NHS: variants seen among roughly 807,000 people sequenced by gnomAD.
NHS encodes the protein actin remodeling regulator NHS.
A neutral mutation model predicts 72.5 loss-of-function variants in NHS; 5 were observed. The observed-to-expected ratio is 0.07, with a 90% CI of 0.04 to 0.14. The LOEUF is 0.14. Among genes scored for constraint, NHS ranks in the 10% least tolerant of loss-of-function variants. The pLI is 1.00. For synonymous variants in NHS, 464 were observed against 547.7 expected (o/e 0.85, Z 2.13); for missense variants, 1,072 against 1,355.7 (o/e 0.79, Z 3.29).
intron 1 of NHS, among the ~76,000 whole-genome samples, chrX:17,545,958 GA>G (rs2065290920): frequency 8.9e-6 from 1 of 112,473 alleles, no homozygotes; most frequent in Non-Finnish European, 1.9e-5. Flanking sequence ...GGAAGAGGCA[GA>G]AAGTGTAGCA....
chrX:17,530,285 C>CCCTG (rs1463008502), intron 1 of NHS, among the ~76,000 whole-genome samples: 1 of 111,479 alleles, frequency 9.0e-6, no homozygotes, highest in African/African-American at 3.3e-5. Flanking sequence ...GGTTTTTCAG[C>CCCTG]CCTGCCGAGA....
At chrX:17,513,877 T>C (rs2065103877) in intron 1 of NHS, among the ~76,000 whole-genome samples, 1 of 112,271 alleles carries the variant, frequency 8.9e-6, no homozygotes, top group Admixed American at 9.5e-5. Context: ...TGTTTTCTGC[T>C]GCTGATAAAG....
intron 1 of NHS, among the ~76,000 whole-genome samples, chrX:17,529,554 C>T (rs934959404): frequency 4.5e-5 from 5 of 111,323 alleles, no homozygotes; most frequent in East Asian, 2.8e-4. Flanking sequence ...AGAAAGCTGA[C>T]GCGTTGTTTT....
chrX:17,509,590 G>T (rs894190203), intron 1 of NHS, among the ~76,000 whole-genome samples: 1 of 111,851 alleles, frequency 8.9e-6, no homozygotes, highest in Non-Finnish European at 1.9e-5. Context: ...TTTACCTAGG[G>T]TTTTCATTTG....
At chrX:17,428,829 T>TCC (rs1271055882) in intron 1 of NHS, among the ~76,000 whole-genome samples, 2 of 111,490 alleles carry the variant, frequency 1.8e-5, no homozygotes, top group Non-Finnish European at 3.8e-5. Flanking sequence ...CACATGTCTC[T>TCC]CTCTCTCTCT....
intron 3 of NHS, among the ~76,000 whole-genome samples, chrX:17,704,521 A>G (rs1416428741): frequency 9.1e-6 from 1 of 110,077 alleles, no homozygotes; most frequent in Non-Finnish European, 1.9e-5. Context: ...GCTGGTCTCA[A>G]TCTCCTGACC....
At chrX:17,473,929 T>A (rs1417191472) in intron 1 of NHS, among the ~76,000 whole-genome samples, 1 of 111,688 alleles carries the variant, frequency 9.0e-6, no homozygotes, top group Non-Finnish European at 1.9e-5. Flanking sequence ...TATTTATTTT[T>A]AACTTTTATT....
intron 1 of NHS, among the ~76,000 whole-genome samples, chrX:17,545,009 C>G: frequency 8.9e-6 from 1 of 112,556 alleles, no homozygotes; most frequent in Non-Finnish European, 1.9e-5. Context: ...CTGGCTGACT[C>G]CATTTTCAGG....
At chrX:17,498,793 G>A (rs1035322194) in intron 1 of NHS, among the ~76,000 whole-genome samples, 9 of 111,312 alleles carry the variant, frequency 8.1e-5, no homozygotes, top group African/African-American at 1.3e-4. Flanking sequence ...TAGCTGTGTC[G>A]AAATAAATAA....
At chrX:17,389,834 T>G (rs919617623) in intron 1 of NHS, among the ~76,000 whole-genome samples, 22 of 110,325 alleles carry the variant, frequency 2.0e-4, no homozygotes, top group African/African-American at 6.6e-4. Flanking sequence ...ACTCCTGACC[T>G]CAAGTGATCT....
chrX:17,568,411 A>G (rs2065456480), intron 1 of NHS, among the ~76,000 whole-genome samples: 2 of 112,281 alleles, frequency 1.8e-5, no homozygotes, highest in South Asian at 7.3e-4. Context: ...AGCATATGGC[A>G]CATAGTAAAT....
chrX:17,725,388 G>A lies in NHS; in HGVS notation c.1282G>A (p.Val428Met). Reference protein sequence around the residue: ...SPVARERNVIVHTNPDPSNTV... With the variant: ...SPVARERNVIMHTNPDPSNTV... ...AGTGGCCAGGGAAAGGAATGTGATTGTGCACACAAACCCAGACCCCTCCAA... is the reference window on the plus strand; with the variant it reads ...AGTGGCCAGGGAAAGGAATGTGATTATGCACACAAACCCAGACCCCTCCAA... The change falls in exon 7 of 9, where the codon GTG becomes ATG. Residue 428 changes from valine (V) to methionine (M), a missense_variant. Coordinates refer to ENST00000676302, the MANE Select transcript of NHS (RefSeq NM_001291867.2). 2.5e-6 allele frequency: 3 copies of A among 1,207,318 alleles called. No homozygotes were observed. The highest frequency in any genetic ancestry group is 3.4e-6 in the Non-Finnish European group (3 of 891,947).
intron 1 of NHS, among the ~76,000 whole-genome samples, chrX:17,536,341 C>T (rs192448563): frequency 4.7e-4 from 53 of 112,150 alleles, no homozygotes; most frequent in African/African-American, 1.6e-3. Context: ...GGCAACAGAG[C>T]GAGACTCCGT....
At chrX:17,537,354 C>T (rs190603992) in intron 1 of NHS, among the ~76,000 whole-genome samples, 1 of 112,506 alleles carries the variant, frequency 8.9e-6, no homozygotes, top group Admixed American at 9.4e-5. Flanking sequence ...AGCAAATCTA[C>T]ACCTAGAAGA....
At chrX:17,520,684 C>T (rs762634302) in intron 1 of NHS, among the ~76,000 whole-genome samples, 1 of 111,768 alleles carries the variant, frequency 8.9e-6, no homozygotes, top group Non-Finnish European at 1.9e-5. Flanking sequence ...CATTTCCATC[C>T]ATTCTAAATA....
Position 17,721,574 on chromosome X carries a change from A to G in NHS, c.1049A>G (p.Glu350Gly). Reference protein sequence around the residue: ...SKALPLPTPEEKMKQDAQVIS... With the variant: ...SKALPLPTPEGKMKQDAQVIS... Reference sequence around the variant, plus strand: ...GCACTACCTCTCCCGACGCCAGAGGAGAAGATGAAACAAGATGCCCAAGTG... The same window carrying G: ...GCACTACCTCTCCCGACGCCAGAGGGGAAGATGAAACAAGATGCCCAAGTG... Residue 350 changes from glutamate to glycine, a missense_variant, in exon 5 of 9, where the codon GAG (glutamate) becomes GGG (glycine). Coordinates refer to ENST00000676302, the MANE Select transcript of NHS (RefSeq NM_001291867.2). The G allele has an allele frequency of 8.3e-7, 1 of 1,211,548 alleles. No individual in the cohort carries two copies. The highest frequency in any genetic ancestry group is 1.7e-5 in the African/African-American group (1 of 57,804).
At chrX:17,556,478 C>T (rs1339861899) in intron 1 of NHS, among the ~76,000 whole-genome samples, 2 of 112,965 alleles carry the variant, frequency 1.8e-5, no homozygotes, top group Non-Finnish European at 3.7e-5. Flanking sequence ...ATTAAAGAAA[C>T]AACCACAGCA....
intron 1 of NHS, among the ~76,000 whole-genome samples, chrX:17,538,031 C>T (rs936947987): frequency 1.3e-4 from 14 of 111,861 alleles, no homozygotes; most frequent in South Asian, 7.5e-4. Flanking sequence ...CTCCAGTGCC[C>T]CCATCTTGCG....
chrX:17,521,152 T>C (rs748100350), intron 1 of NHS, among the ~76,000 whole-genome samples: 1 of 111,837 alleles, frequency 8.9e-6, no homozygotes, highest in Admixed American at 9.4e-5. Context: ...GCCTGTGTGC[T>C]CAGAAATGTT....
Sources: gnomAD v4.1 joint callset for allele counts (sites outside exome capture counted in the v4.1 genomes callset) on GRCh38, gnomAD v4.1.1 for gene constraint, MANE v1.5 for transcripts, NCBI Gene and HGNC (gene_info 2026-07-23, HGNC 2026-07-21) for gene names.